The following PRIM2 variants were observed in gnomAD, a reference collection of about 807,000 sequenced individuals.
The protein encoded by PRIM2 is DNA primase large subunit.
In PRIM2, 39 loss-of-function variants were observed where a neutral mutation model predicts 67.3. That is an observed-to-expected ratio of 0.58 (90% CI 0.45 to 0.76). The LOEUF (loss-of-function observed/expected upper bound fraction) is 0.76, where lower values mean the gene tolerates loss of function less well. PRIM2 is among the 30% of genes least tolerant of loss of function. The pLI is 0.00. For missense variants in PRIM2, 398 were observed against 598.7 expected (o/e 0.66, Z 3.50); for synonymous variants, 143 against 198.7 (o/e 0.72, Z 2.36).
intron 7 of PRIM2, among the ~76,000 whole-genome samples, chr6:57,485,930 G>C (rs1463505335): frequency 1.1e-4 from 16 of 152,320 alleles, no homozygotes; most frequent in African/African-American, 3.8e-4. Flanking sequence ...AAGCAGCATA[G>C]GAGTGTGTGT....
the PRIM2 span, among the ~76,000 whole-genome samples, chr6:57,264,595 T>C: frequency 1.0e-5 from 1 of 98,524 alleles, no homozygotes; most frequent in Admixed American, 1.0e-4. Context: ...AGTCAAACGC[T>C]TTTTTTTTTT....
At chr6:57,418,297 C>G in intron 7 of PRIM2, among the ~76,000 whole-genome samples, 1 of 148,380 alleles carries the variant, frequency 6.7e-6, no homozygotes, top group Non-Finnish European at 1.5e-5. Context: ...AAAAAGAATC[C>G]TAGAGCCGAA....
At chr6:57,286,696 G>A in the PRIM2 span, among the ~76,000 whole-genome samples, 5 of 152,152 alleles carry the variant, frequency 3.3e-5, no homozygotes, top group Admixed American at 3.3e-4. Context: ...ACATAGGCAT[G>A]GGTAAAGACT....
At chr6:57,496,912 C>T (rs1554346431) in intron 7 of PRIM2, among the ~76,000 whole-genome samples, 3,391 of 152,232 alleles carry the variant, frequency 0.022, 109 homozygotes, top group South Asian at 0.071. Context: ...AGAATTGTCT[C>T]AGCCAACTCC....
chr6:57,222,608 C>T, the PRIM2 span, among the ~76,000 whole-genome samples: 1 of 152,094 alleles, frequency 6.6e-6, no homozygotes, highest in Non-Finnish European at 1.5e-5. Context: ...CTTAAGTGGC[C>T]AAGTGAGCAA....
chr6:57,257,134 T>C, the PRIM2 span, among the ~76,000 whole-genome samples: 1 of 152,072 alleles, frequency 6.6e-6, no homozygotes, highest in African/African-American at 2.4e-5. Context: ...GAAGCAAGAG[T>C]TCTCCTTGAA....
chr6:57,297,949 A>C, the PRIM2 span, among the ~76,000 whole-genome samples: 1 of 152,228 alleles, frequency 6.6e-6, no homozygotes, highest in African/African-American at 2.4e-5. Context: ...ATGGATCAGA[A>C]AAAAAGACAT....
intron 5 of PRIM2, among the ~76,000 whole-genome samples, chr6:57,344,755 A>T (rs1187098834): frequency 2.6e-5 from 4 of 152,198 alleles, no homozygotes; most frequent in Non-Finnish European, 5.9e-5. Flanking sequence ...TTATGCATAT[A>T]GTTGTAAAAA....
intron 9 of PRIM2, among the ~76,000 whole-genome samples, chr6:57,535,672 G>C (rs1410076942): frequency 1.3e-4 from 20 of 152,002 alleles, no homozygotes; most frequent in Non-Finnish European, 2.1e-4. Context: ...CGAGACCAGC[G>C]TGGCCAACAT....
chr6:57,358,304 T>C (rs4548010), intron 5 of PRIM2, among the ~76,000 whole-genome samples: 2 of 152,240 alleles, frequency 1.3e-5, no homozygotes, highest in South Asian at 2.1e-4. Flanking sequence ...ATTGCTCTTG[T>C]ATTAAAATTT....
chr6:57,243,856 A>T, the PRIM2 span, among the ~76,000 whole-genome samples: 2 of 152,180 alleles, frequency 1.3e-5, no homozygotes, highest in Non-Finnish European at 2.9e-5. Flanking sequence ...GGAGAACCTG[A>T]AAGTAGCTTC....
At chr6:57,297,616 A>T in the PRIM2 span, among the ~76,000 whole-genome samples, 1 of 152,212 alleles carries the variant, frequency 6.6e-6, no homozygotes, top group East Asian at 1.9e-4. Flanking sequence ...AAACGGAAAA[A>T]TAGAAACTTT....
chr6:57,293,034 T>C, the PRIM2 span, among the ~76,000 whole-genome samples: 2 of 152,076 alleles, frequency 1.3e-5, no homozygotes, highest in East Asian at 1.9e-4. Flanking sequence ...AAAGAAACTA[T>C]CATCAGAGTG....
At chr6:57,576,681 G>A (rs1454678337) in intron 10 of PRIM2, among the ~76,000 whole-genome samples, 58,301 of 148,684 alleles carry the variant, frequency 0.39, 11,684 homozygotes, top group East Asian at 0.65. Flanking sequence ...TTTCTCTTCC[G>A]TCATGGACAT....
chr6:57,333,962 G>A (rs1768139216), intron 5 of PRIM2, among the ~76,000 whole-genome samples: 1 of 152,068 alleles, frequency 6.6e-6, no homozygotes. Context: ...ACAGTTTGTT[G>A]TCATTAACTG....
At chr6:57,283,147 G>C in the PRIM2 span, among the ~76,000 whole-genome samples, 4 of 152,042 alleles carry the variant, frequency 2.6e-5, no homozygotes, top group African/African-American at 9.7e-5. Flanking sequence ...CTCAGTATCT[G>C]ATTTCTCTGT....
intron 10 of PRIM2, among the ~76,000 whole-genome samples, chr6:57,552,957 G>A (rs1269807276): frequency 1.3e-4 from 20 of 152,028 alleles, no homozygotes; most frequent in South Asian, 2.1e-4. Flanking sequence ...TTTAAAAATT[G>A]CAAATAAATT....
chr6:57,239,623 T>C, the PRIM2 span, among the ~76,000 whole-genome samples: 3 of 152,070 alleles, frequency 2.0e-5, no homozygotes, highest in Non-Finnish European at 4.4e-5. Flanking sequence ...ATGCCTGTAT[T>C]CTCAGCTACT....
chr6:57,533,394 G>A (rs1581974334), intron 9 of PRIM2, among the ~76,000 whole-genome samples: 1 of 152,156 alleles, frequency 6.6e-6, no homozygotes, highest in Non-Finnish European at 1.5e-5. Flanking sequence ...TTGGAAACAA[G>A]AACTGTAATA....
Sources: allele counts gnomAD v4.1 joint callset (sites outside exome capture counted in the v4.1 genomes callset), GRCh38; gene constraint gnomAD v4.1.1; transcripts MANE v1.5; gene names NCBI Gene and HGNC (gene_info 2026-07-23, HGNC 2026-07-21).